CPNE8: variants seen among roughly 807,000 people sequenced by gnomAD.
The protein encoded by CPNE8 is copine-8.
A neutral mutation model predicts 81.5 loss-of-function variants in CPNE8; 45 were observed. That is an observed-to-expected ratio of 0.55 (90% CI 0.44 to 0.71). The LOEUF (loss-of-function observed/expected upper bound fraction) is 0.71, where lower values mean the gene tolerates loss of function less well. Among genes scored for constraint, CPNE8 ranks in the 30% least tolerant of loss-of-function variants. The pLI is 0.00. For missense variants in CPNE8, 594 were observed against 672.1 expected (o/e 0.88, Z 1.28); for synonymous variants, 252 against 226.3 (o/e 1.11, Z -1.02).
At chr12:38,806,776 T>C (rs1460674978) in intron 6 of CPNE8, among the ~76,000 whole-genome samples, 1 of 147,700 alleles carries the variant, frequency 6.8e-6, no homozygotes, top group Non-Finnish European at 1.5e-5. Context: ...GAGAAGGAAA[T>C]AAAGGGTATT....
chr12:38,782,237 G>A (rs901784926), intron 6 of CPNE8, among the ~76,000 whole-genome samples: 2 of 152,042 alleles, frequency 1.3e-5, no homozygotes, highest in African/African-American at 4.8e-5. Flanking sequence ...TTGAAACAAT[G>A]CAAGGTCAAT....
chr12:38,881,005 T>C (rs1201288026), intron 1 of CPNE8, among the ~76,000 whole-genome samples: 1 of 151,946 alleles, frequency 6.6e-6, no homozygotes, highest in East Asian at 1.9e-4. Flanking sequence ...GGTCAGGAGA[T>C]TGAGACCATC....
At chr12:38,796,964 C>G (rs1353713209) in intron 6 of CPNE8, among the ~76,000 whole-genome samples, 4 of 152,196 alleles carry the variant, frequency 2.6e-5, no homozygotes, top group African/African-American at 9.7e-5. Flanking sequence ...AGTATGAGAT[C>G]AAACTGCAAG....
chr12:38,710,246 T>C (rs762657407), intron 13 of CPNE8, among the ~76,000 whole-genome samples: 5 of 45,534 alleles, frequency 1.1e-4, no homozygotes, highest in South Asian at 7.8e-4. Context: ...AAAATATATG[T>C]GACATAATCA....
At chr12:38,870,754 C>T (rs1419920125) in intron 3 of CPNE8, among the ~76,000 whole-genome samples, 1 of 151,232 alleles carries the variant, frequency 6.6e-6, no homozygotes, top group East Asian at 1.9e-4. Flanking sequence ...AACAAACCTG[C>T]ACATTCTGCA....
intron 1 of CPNE8, among the ~76,000 whole-genome samples, chr12:38,875,643 G>A (rs962024334): frequency 4.6e-5 from 7 of 151,968 alleles, no homozygotes; most frequent in Admixed American, 2.6e-4. Flanking sequence ...AGTGATTGCC[G>A]CCATTGAATC....
chr12:38,660,341 C>T (rs1359244363), intron 19 of CPNE8, among the ~76,000 whole-genome samples: 1 of 151,074 alleles, frequency 6.6e-6, no homozygotes, highest in African/African-American at 2.5e-5. Flanking sequence ...CTTTGACAAA[C>T]CTGACAAAAA....
chr12:38,675,768 T>G lies in CPNE8; in HGVS notation c.1381A>C (p.Lys461Gln), dbSNP rs142785316. ...ACTATAATTATTGACATTGGAAGTT[T>G]TGAGGCCTTCAAAGAGAATATACAA... The part of the protein sequence containing the change: ...QTKESIVNAS[K>Q]LPMSIIIVGV... Residue 461 changes from lysine to glutamine, a missense_variant, in exon 18 of 20, where the codon AAA becomes CAA. Physicochemically the swap from Lys to Gln is moderately conservative, Grantham distance 53. Transcript: ENST00000331366. 274 of 1,599,182 alleles carry G rather than the reference T, an allele frequency of 1.7e-4. No homozygotes were observed. Among genetic ancestry groups the G allele is most frequent in the Non-Finnish European group, 2.2e-4 (253 of 1,166,952 alleles).
intron 1 of CPNE8, among the ~76,000 whole-genome samples, chr12:38,884,703 CT>C (rs926390694): frequency 8.6e-5 from 13 of 151,500 alleles, no homozygotes; most frequent in East Asian, 1.9e-4. Flanking sequence ...TATTGTCAGT[CT>C]TTTTTTTTAT....
rs1166996215 is a variant in CPNE8 at position 38,902,417 on chromosome 12, A to AAGAAAGAAAGAAAGAAAGAAAGAAAGAG, written c.98+3019_98+3020insCTCTTTCTTTCTTTCTTTCTTTCTTTCT. Reference sequence around the variant, plus strand: ...AGAGAAAGAAAGAAAGAAAGAAAGAAAAAGAAAGAAAGAAAGAAAGGAGAG... The same window carrying AAGAAAGAAAGAAAGAAAGAAAGAAAGAG: ...AGAGAAAGAAAGAAAGAAAGAAAGAAAGAAAGAAAGAAAGAAAGAAAGAAAGAGAAAGAAAGAAAGAAAGAAAGGAGAG... On this transcript the variant is annotated intron_variant, in intron 1 of 19. Transcript: ENST00000331366. 1.9e-3 allele frequency among the ~76,000 whole-genome samples: 137 copies of AAGAAAGAAAGAAAGAAAGAAAGAAAGAG among 72,892 alleles called. 4 individuals carry two copies. Among genetic ancestry groups the AAGAAAGAAAGAAAGAAAGAAAGAAAGAG allele is most frequent in the Middle Eastern group, 5.6e-3 (1 of 180 alleles). The allele number at this position is 72,892 out of a possible 152,430, so 47.8% of individuals were successfully genotyped here.
chr12:38,860,584 T>A (rs1943816430), intron 3 of CPNE8, among the ~76,000 whole-genome samples: 1 of 148,556 alleles, frequency 6.7e-6, no homozygotes, highest in Non-Finnish European at 1.5e-5. Flanking sequence ...AACTCAACGA[T>A]CTTGAAGAGA....
intron 13 of CPNE8, among the ~76,000 whole-genome samples, chr12:38,713,385 T>C (rs1014738138): frequency 2.6e-5 from 4 of 152,132 alleles, no homozygotes; most frequent in African/African-American, 4.8e-5. Context: ...ACAACGAAGA[T>C]ATAGAGTTCA....
intron 8 of CPNE8, among the ~76,000 whole-genome samples, chr12:38,762,948 G>A (rs1235515791): frequency 2.0e-5 from 3 of 152,156 alleles, no homozygotes; most frequent in Non-Finnish European, 1.5e-5. Flanking sequence ...AACCTCTGCC[G>A]CCCGGGTTCA....
At chr12:38,784,185 C>T (rs1011434114) in intron 6 of CPNE8, among the ~76,000 whole-genome samples, 1 of 152,124 alleles carries the variant, frequency 6.6e-6, no homozygotes, top group African/African-American at 2.4e-5. Context: ...TTAAAAGCAT[C>T]AAACAAAAAT....
intron 5 of CPNE8, among the ~76,000 whole-genome samples, chr12:38,830,477 C>T (rs1943267662): frequency 6.6e-6 from 1 of 152,140 alleles, no homozygotes; most frequent in South Asian, 2.1e-4. Flanking sequence ...CCAACACCAT[C>T]TGGATATGTA....
intron 10 of CPNE8, among the ~76,000 whole-genome samples, chr12:38,739,073 A>C (rs1311831007): frequency 6.6e-6 from 1 of 152,088 alleles, no homozygotes; most frequent in Non-Finnish European, 1.5e-5. Flanking sequence ...TGGCTTCCCA[A>C]AGTGCTTGGA....
At chr12:38,721,739 T>A (rs1325241111) in intron 13 of CPNE8, among the ~76,000 whole-genome samples, 1 of 152,198 alleles carries the variant, frequency 6.6e-6, no homozygotes, top group African/African-American at 2.4e-5. Context: ...GAGCCAGGGA[T>A]GTGACTTCCT....
At chr12:38,691,879 GACTA>G (rs1024233149) in intron 15 of CPNE8, among the ~76,000 whole-genome samples, 6 of 152,188 alleles carry the variant, frequency 3.9e-5, no homozygotes, top group African/African-American at 1.2e-4. Flanking sequence ...AGCCCTCGCA[GACTA>G]ACTAGCTCTT....
intron 13 of CPNE8, among the ~76,000 whole-genome samples, chr12:38,715,776 T>C (rs1211030030): frequency 1.3e-5 from 2 of 152,004 alleles, no homozygotes; most frequent in African/African-American, 4.8e-5. Context: ...CAACATAGTA[T>C]TGGAAGTCCT....
Sources: gnomAD v4.1 joint callset for allele counts (sites outside exome capture counted in the v4.1 genomes callset) on GRCh38, gnomAD v4.1.1 for gene constraint, MANE v1.5 for transcripts, NCBI Gene and HGNC (gene_info 2026-07-23, HGNC 2026-07-21) for gene names.